Variants in PIK3C3 observed in about 807,000 individuals in gnomAD.
PIK3C3 encodes PI3-kinase type 3.
A neutral mutation model predicts 126.1 loss-of-function variants in PIK3C3; 95 were observed. That is an observed-to-expected ratio of 0.75 (90% CI 0.64 to 0.89). The LOEUF is 0.89. Among genes scored for constraint, PIK3C3 ranks in the 40% least tolerant of loss-of-function variants. The pLI is 0.00. For synonymous variants in PIK3C3, 374 were observed against 360.0 expected, an observed-to-expected ratio of 1.04 and a Z score of -0.44; for missense variants, 829 against 1,063.2, an observed-to-expected ratio of 0.78 and a Z score of 3.06.
intron 21 of PIK3C3, among the ~76,000 whole-genome samples, chr18:42,054,948 T>C (rs751757228): frequency 9.2e-5 from 14 of 152,070 alleles, no homozygotes; most frequent in Admixed American, 2.0e-4. Flanking sequence ...TTTAAACTTA[T>C]GTAGTTCTTA....
chr18:41,995,918 A>G lies in PIK3C3; in HGVS notation c.815A>G (p.Lys272Arg), dbSNP rs751107641. Residue 272 changes from lysine (K) to arginine (R), a missense_variant, in exon 8 of 25, where the codon AAG (lysine) becomes AGG (arginine). Physicochemically the swap from Lys to Arg is conservative, Grantham distance 26. Around this residue, in one of 4 missense-constraint regions of PIK3C3, gnomAD observed 313 missense variants for 340.7 expected, o/e 0.92. Coordinates refer to ENST00000262039, the MANE Select transcript of PIK3C3 (RefSeq NM_002647.4). ...AATTTAGTTGAGAGCAAACACCACA[A>G]GCTTGCCCGGAGTTTAAGAAGTGGA... The part of the protein sequence containing the change: ...MENLVESKHH[K>R]LARSLRSGPS... 1 of 1,612,798 alleles carries G rather than the reference A, an allele frequency of 6.2e-7. No homozygotes were observed. Among genetic ancestry groups the G allele is most frequent in the African/African-American group, 1.3e-5 (1 of 74,876 alleles).
rs1029690163 is a variant in PIK3C3, at chr18:42,005,244, C to G, written c.1170+703C>G. On this transcript the variant is annotated intron_variant, in intron 10 of 24. Transcript: ENST00000262039. The stretch of plus-strand genomic sequence containing the variant: ...CTACTACACACTGAGGCTGTGTACT[C>G]CTAGGTTACAAACCTGTATAGCATG... Among the ~76,000 whole-genome samples the G allele has an allele frequency of 4.6e-5, 7 of 152,166 alleles. No homozygotes were observed. The South Asian group carries it at 6.2e-4, about 14-fold the overall frequency.
chr18:42,017,084 T>G (rs902451138), intron 12 of PIK3C3, among the ~76,000 whole-genome samples: 1 of 152,124 alleles, frequency 6.6e-6, no homozygotes, highest in Non-Finnish European at 1.5e-5. Context: ...AGGGTTCAGG[T>G]ATCCAGAAAA....
chr18:42,084,557 A>G lies in PIK3C3; in HGVS notation c.*3420A>G, dbSNP rs1297220290. 6.7e-6 allele frequency: 1 copy of G among 149,760 alleles called. No homozygotes were observed. The highest frequency in any genetic ancestry group is 1.5e-5 in the Non-Finnish European group (1 of 67,590). The allele number at this position is 149,760 out of a possible 1,614,324, so 9.3% of individuals were successfully genotyped here. A position where few individuals can be genotyped will look rare whatever the true frequency, so the allele number is the denominator to read the frequency against. On this transcript the variant is annotated 3_prime_UTR_variant, in exon 25 of 25. Coordinates refer to ENST00000262039, the MANE Select transcript of PIK3C3 (RefSeq NM_002647.4). ...TTAGGTAAAAATGACAGAAATCTGA[A>G]TATAGTATAGAGTAGCTAAAAACAA...
intron 24 of PIK3C3, among the ~76,000 whole-genome samples, chr18:42,075,568 GTAC>G (rs1254851969): frequency 1.3e-5 from 2 of 151,808 alleles, no homozygotes; most frequent in Non-Finnish European, 2.9e-5. Context: ...TGAAGTAAGT[GTAC>G]TACAAGTTAT....
chr18:41,961,722 G>A (rs922014536), intron 2 of PIK3C3, among the ~76,000 whole-genome samples: 8 of 152,074 alleles, frequency 5.3e-5, no homozygotes, highest in African/African-American at 1.7e-4. Context: ...GAATTTAAAA[G>A]CCAGCTCCTC....
At chr18:41,963,960 T>C (rs1180796664) in intron 3 of PIK3C3, among the ~76,000 whole-genome samples, 1 of 152,116 alleles carries the variant, frequency 6.6e-6, no homozygotes, top group Non-Finnish European at 1.5e-5. Context: ...AATTAGTATG[T>C]ATTTGTTTGC....
intron 4 of PIK3C3, among the ~76,000 whole-genome samples, chr18:41,979,895 T>TATTATTATTATTATCATC (rs142491238): frequency 1.7e-4 from 25 of 149,664 alleles, no homozygotes; most frequent in African/African-American, 5.9e-4. Context: ...TTATTATTAT[T>TATTATTATTATTATCATC]ATTATTATTA....
At chr18:42,043,854 T>A in intron 20 of PIK3C3, 37 bp downstream of exon 20, 1 of 1,393,868 alleles carries the variant, frequency 7.2e-7, no homozygotes, top group East Asian at 2.3e-5. Context: ...ATTGATCAGA[T>A]AAAGAAGAGC....
At chr18:42,080,526 G>A (rs1006170339) in intron 24 of PIK3C3, among the ~76,000 whole-genome samples, 3 of 152,152 alleles carry the variant, frequency 2.0e-5, no homozygotes, top group South Asian at 2.1e-4. Context: ...AAAAGGGCAC[G>A]AGTTATGGAT....
At position 42,085,451 on chromosome 18, in the gene PIK3C3, C is replaced by T. The variant is rs1463586816; in HGVS notation, c.*4314C>T. The T allele has an allele frequency of 6.6e-6, 1 of 152,114 alleles. No homozygotes were observed. The highest frequency in any genetic ancestry group is 1.5e-5 in the Non-Finnish European group (1 of 68,012). 9.4% of individuals were successfully genotyped at this position (152,114 alleles called of 1,614,324 possible). A position where few individuals can be genotyped will look rare whatever the true frequency, so the allele number is the denominator to read the frequency against. ...CTAAGTCAATGGTTATTTTAAACCA[C>T]TTAATTTTGAGACTAGTATTTCATA... On this transcript the variant is annotated 3_prime_UTR_variant, in exon 25 of 25. Coordinates refer to ENST00000262039, the MANE Select transcript of PIK3C3 (RefSeq NM_002647.4).
rs181167309 is a variant in PIK3C3 at position 42,087,108 on chromosome 18, G to C, written c.*5971G>C. ...GTACATTGTCTGGAGTACATACCCT[G>C]GGGTTCATTGTTATAGGAGAATTTA... On this transcript the variant is annotated 3_prime_UTR_variant, in exon 25 of 25. Coordinates refer to ENST00000262039, the MANE Select transcript of PIK3C3 (RefSeq NM_002647.4). 1 of 152,256 alleles carries C rather than the reference G, an allele frequency of 6.6e-6. No homozygotes were observed. Among genetic ancestry groups the C allele is most frequent in the Admixed American group, 6.5e-5 (1 of 15,282 alleles). 9.4% of individuals were successfully genotyped at this position (152,256 alleles called of 1,614,324 possible).
At chr18:42,022,014 G>A (rs1983346015) in intron 13 of PIK3C3, among the ~76,000 whole-genome samples, 1 of 152,156 alleles carries the variant, frequency 6.6e-6, no homozygotes, top group Admixed American at 6.5e-5. Flanking sequence ...AGACTGATTT[G>A]GGAAGCTGCC....
intron 12 of PIK3C3, 28 bp from the exon 13 acceptor site, chr18:42,020,610 T>A: frequency 6.8e-7 from 1 of 1,471,404 alleles, no homozygotes; most frequent in Non-Finnish European, 9.4e-7. Context: ...GATGATAATA[T>A]ATAATACATT....
rs1468308967 is a variant in PIK3C3 at position 42,082,157 on chromosome 18, A to G, written c.*1020A>G. ...ATACAAATGATATGAACAATATGGT[A>G]ATAATCTTTTGCAACTTAATATGTT... On this transcript the variant is annotated 3_prime_UTR_variant, in exon 25 of 25. Transcript: ENST00000262039. 1 of 152,214 alleles carries G rather than the reference A, an allele frequency of 6.6e-6. No individual in the cohort carries two copies. Among genetic ancestry groups the G allele is most frequent in the Non-Finnish European group, 1.5e-5 (1 of 68,044 alleles). The allele number at this position is 152,214 out of a possible 1,614,324, so 9.4% of individuals were successfully genotyped here.
chr18:41,992,849 C>G (rs1981844086), intron 6 of PIK3C3, among the ~76,000 whole-genome samples: 1 of 152,192 alleles, frequency 6.6e-6, no homozygotes. Flanking sequence ...TGAAAAATTA[C>G]CAACATCCAC....
intron 21 of PIK3C3, chr18:42,057,644 C>A: frequency 2.3e-6 from 1 of 431,484 alleles, no homozygotes; most frequent in Non-Finnish European, 4.1e-6. Context: ...TTTAGATTAC[C>A]ATTACTGTGA....
chr18:42,021,619 T>C (rs1237001992), intron 13 of PIK3C3, among the ~76,000 whole-genome samples: 1 of 152,216 alleles, frequency 6.6e-6, no homozygotes, highest in African/African-American at 2.4e-5. Context: ...CTTTTTACTG[T>C]CTAAATGATT....
intron 3 of PIK3C3, among the ~76,000 whole-genome samples, chr18:41,969,831 G>A (rs9965647): frequency 0.083 from 12,651 of 152,244 alleles, 1,711 homozygotes; most frequent in African/African-American, 0.28. Flanking sequence ...GAGGTACAGA[G>A]AGGTTAAGTA....
Sources: allele counts gnomAD v4.1 joint callset (sites outside exome capture counted in the v4.1 genomes callset), GRCh38; gene constraint gnomAD v4.1.1; regional missense constraint gnomAD v4.1.1; transcripts MANE v1.5; gene names NCBI Gene and HGNC (gene_info 2026-07-23, HGNC 2026-07-21).